GALNT13: variants seen among roughly 807,000 people sequenced by gnomAD.
GALNT13 encodes UDP-GalNAc:polypeptide N-acetylgalactosaminyltransferase 13.
Under a neutral mutation model 64.2 loss-of-function variants are expected in GALNT13, and 28 were observed. The ratio of observed to expected loss-of-function variants is 0.44; its 90% CI spans 0.32 to 0.60. The LOEUF is 0.60. GALNT13 is among the 20% of genes least tolerant of loss of function. The probability of loss-of-function intolerance (pLI) is 0.05; values close to 1 mark genes in which losing one functional copy is unlikely to be tolerated. For synonymous variants in GALNT13, 214 were observed against 224.6 expected (o/e 0.95, Z 0.42); for missense variants, 577 against 669.8 (o/e 0.86, Z 1.53).
chr2:153,465,888 A>C, the GALNT13 span, among the ~76,000 whole-genome samples: 1 of 152,046 alleles, frequency 6.6e-6, no homozygotes, highest in Non-Finnish European at 1.5e-5. Flanking sequence ...GAAAGTCTAC[A>C]GGTCTTGCTA....
At chr2:153,251,532 C>T in the GALNT13 span, among the ~76,000 whole-genome samples, 19 of 152,060 alleles carry the variant, frequency 1.2e-4, no homozygotes, top group African/African-American at 4.1e-4. Context: ...AGGTAAGTTA[C>T]GTATGTATAC....
chr2:154,257,832 G>T (rs1354452042), intron 7 of GALNT13: 1 of 152,138 alleles, frequency 6.6e-6, no homozygotes, highest in Non-Finnish European at 1.5e-5. Flanking sequence ...TTTGACAAAA[G>T]CAAAACATTT....
Position 153,940,605 on chromosome 2 carries a change from C to T in GALNT13, c.-104-3789C>T, listed in dbSNP as rs1041743078. The stretch of plus-strand genomic sequence containing the variant: ...AAGATCTGTTTTCCTATCAGTTAGA[C>T]CTGAAGCTAATTTATGGTATTTTTT... On this transcript the variant is annotated intron_variant, in intron 2 of 12. Coordinates refer to ENST00000392825, the MANE Select transcript of GALNT13 (RefSeq NM_052917.4). 1.2e-4 allele frequency among the ~76,000 whole-genome samples: 18 copies of T among 152,172 alleles called. 1 individual carries two copies. The highest frequency in any genetic ancestry group is 8.5e-4 in the Admixed American group (13 of 15,276).
the GALNT13 span, among the ~76,000 whole-genome samples, chr2:153,470,380 C>T: frequency 6.6e-6 from 1 of 152,144 alleles, no homozygotes; most frequent in Non-Finnish European, 1.5e-5. Context: ...ACTGAGTACA[C>T]CCTTCTTCCT....
the GALNT13 span, among the ~76,000 whole-genome samples, chr2:153,685,960 C>T: frequency 1.3e-5 from 2 of 151,798 alleles, no homozygotes; most frequent in Non-Finnish European, 1.5e-5. Flanking sequence ...TAGAAGTGTG[C>T]GGTCTTATTT....
At position 153,931,325 on chromosome 2, in the gene GALNT13, A is replaced by G. The variant is rs564500449; in HGVS notation, c.-104-13069A>G. Among the ~76,000 whole-genome samples, 8 of 151,518 alleles carry G rather than the reference A, an allele frequency of 5.3e-5. No homozygotes were observed. In the South Asian group the frequency reaches 8.4e-4, roughly 16 times the overall value. On this transcript the variant is annotated intron_variant, in intron 2 of 12. Transcript: ENST00000392825. ...TTTTATTTACTCTCTTTCTATTTGG[A>G]TAGCTTTTATTTCTCTCTCTCGCTT... is the stretch of plus-strand genomic sequence containing the variant.
the GALNT13 span, among the ~76,000 whole-genome samples, chr2:153,313,224 A>T: frequency 4.6e-5 from 7 of 152,192 alleles, no homozygotes; most frequent in Non-Finnish European, 1.0e-4. Context: ...TTCTATCATA[A>T]ACGATTACAA....
At chr2:153,521,647 C>G in the GALNT13 span, among the ~76,000 whole-genome samples, 6 of 152,322 alleles carry the variant, frequency 3.9e-5, no homozygotes, top group Admixed American at 3.3e-4. Context: ...ACTATAGTAT[C>G]ATACAGAGTA....
intron 7 of GALNT13, among the ~76,000 whole-genome samples, chr2:154,248,454 A>G (rs1194346964): frequency 6.6e-6 from 1 of 152,116 alleles, no homozygotes; most frequent in African/African-American, 2.4e-5. Context: ...ACATTTAATA[A>G]TCAAATTATA....
the GALNT13 span, among the ~76,000 whole-genome samples, chr2:153,307,299 G>C: frequency 3.3e-5 from 5 of 152,060 alleles, no homozygotes. Flanking sequence ...ATTGAATCTA[G>C]TGATTCATTT....
chr2:153,318,126 T>TTTTG, the GALNT13 span, among the ~76,000 whole-genome samples: 5 of 151,458 alleles, frequency 3.3e-5, no homozygotes, highest in Admixed American at 6.6e-5. Flanking sequence ...AGGAGAGTTT[T>TTTTG]TTTTTTTTTT....
At chr2:153,672,321 A>G in the GALNT13 span, among the ~76,000 whole-genome samples, 3 of 152,208 alleles carry the variant, frequency 2.0e-5, no homozygotes, top group Non-Finnish European at 4.4e-5. Flanking sequence ...TCCTCAGCAA[A>G]TGTAAAAGAA....
the GALNT13 span, among the ~76,000 whole-genome samples, chr2:153,844,863 C>T: frequency 8.4e-4 from 128 of 152,264 alleles, no homozygotes; most frequent in African/African-American, 2.9e-3. Context: ...TTTCAAATAT[C>T]CCTAGGCATG....
chr2:153,719,586 G>A, the GALNT13 span, among the ~76,000 whole-genome samples: 39 of 152,250 alleles, frequency 2.6e-4, no homozygotes, highest in African/African-American at 7.5e-4. Flanking sequence ...GACAGTGGGC[G>A]CAGGCCAGTG....
At chr2:154,290,937 C>G (rs1216894442) in intron 8 of GALNT13, among the ~76,000 whole-genome samples, 2 of 150,974 alleles carry the variant, frequency 1.3e-5, no homozygotes, top group Admixed American at 6.6e-5. Context: ...GTTCGTCCCT[C>G]CCGGTGGGTT....
the GALNT13 span, among the ~76,000 whole-genome samples, chr2:153,290,267 C>A: frequency 6.6e-6 from 1 of 152,028 alleles, no homozygotes; most frequent in South Asian, 2.1e-4. Context: ...AACAGGCTAG[C>A]CTTGAACTTC....
chr2:153,836,785 A>G, the GALNT13 span, among the ~76,000 whole-genome samples: 1 of 151,100 alleles, frequency 6.6e-6, no homozygotes, highest in African/African-American at 2.4e-5. Context: ...GCGATAGTTT[A>G]CTGAGAATGA....
intron 3 of GALNT13, among the ~76,000 whole-genome samples, chr2:154,005,489 T>G (rs947538152): frequency 6.6e-6 from 1 of 152,164 alleles, no homozygotes; most frequent in East Asian, 1.9e-4. Flanking sequence ...TTCAGTTGTT[T>G]GCAATGTGGT....
At chr2:154,252,053 T>A (rs1020669179) in intron 7 of GALNT13, among the ~76,000 whole-genome samples, 4 of 152,090 alleles carry the variant, frequency 2.6e-5, no homozygotes, top group Non-Finnish European at 5.9e-5. Flanking sequence ...TTAACACAGA[T>A]CTAAATACTA....
Sources: gnomAD v4.1 joint callset for allele counts (sites outside exome capture counted in the v4.1 genomes callset) on GRCh38, gnomAD v4.1.1 for gene constraint, MANE v1.5 for transcripts, NCBI Gene and HGNC (gene_info 2026-07-23, HGNC 2026-07-21) for gene names.